The following WASHC3 variants were observed in gnomAD, a reference collection of about 807,000 sequenced individuals.
WASHC3 encodes WASH complex subunit 3.
Under a neutral mutation model 26.1 loss-of-function variants are expected in WASHC3, and 24 were observed. The ratio of observed to expected loss-of-function variants is 0.92; its 90% CI spans 0.66 to 1.29. The LOEUF (loss-of-function observed/expected upper bound fraction) is 1.29, where lower values mean the gene tolerates loss of function less well. WASHC3 is among the 50% of genes most tolerant of loss of function. WASHC3 has a pLI of 0.00. For missense variants in WASHC3, 214 were observed against 229.6 expected (o/e 0.93, Z 0.44); for synonymous variants, 77 against 75.7 (o/e 1.02, Z -0.09).
At position 102,050,942 on chromosome 12, in the gene WASHC3, C is replaced by T. The variant is rs141578172; in HGVS notation, c.151-4823G>A. On this transcript the variant is annotated intron_variant, in intron 2 of 6. Transcript: ENST00000240079. Reference sequence around the variant, plus strand: ...GTACCTCTGTAATGTGGGTCTGATTCTACTACTTTCTCTGTCATCTAATCT... The same window carrying T: ...GTACCTCTGTAATGTGGGTCTGATTTTACTACTTTCTCTGTCATCTAATCT... Among the ~76,000 whole-genome samples the T allele has an allele frequency of 1.7e-3, 254 of 152,348 alleles. 1 individual carries two copies. Among genetic ancestry groups the T allele is most frequent in the African/African-American group, 5.9e-3 (245 of 41,578 alleles).
intron 2 of WASHC3, chr12:102,050,347 A>C: frequency 2.3e-6 from 1 of 440,606 alleles, no homozygotes; most frequent in Non-Finnish European, 4.5e-6. Flanking sequence ...GGCCAGGTAC[A>C]GTGGCTCACG....
intron 6 of WASHC3, chr12:102,017,913 C>G (rs935736383): frequency 6.9e-6 from 2 of 289,564 alleles, no homozygotes; most frequent in African/African-American, 4.6e-5. Flanking sequence ...CACCATCCAT[C>G]TCCTGAACTC....
chr12:102,027,028 T>C (rs1212866470), intron 5 of WASHC3, among the ~76,000 whole-genome samples: 3 of 152,236 alleles, frequency 2.0e-5, no homozygotes, highest in Non-Finnish European at 4.4e-5. Flanking sequence ...AGTTGTGATG[T>C]TCATTTTTTA....
At chr12:102,051,882 G>A (rs1027765517) in intron 2 of WASHC3, among the ~76,000 whole-genome samples, 1 of 152,176 alleles carries the variant, frequency 6.6e-6, no homozygotes, top group Admixed American at 6.5e-5. Context: ...CACAGAGGAA[G>A]TACACAATAA....
chr12:102,029,127 T>A (rs1877325977), intron 5 of WASHC3, among the ~76,000 whole-genome samples: 1 of 152,224 alleles, frequency 6.6e-6, no homozygotes. Context: ...TTGTTTCCAG[T>A]GATGTTGCTT....
intron 2 of WASHC3, among the ~76,000 whole-genome samples, chr12:102,049,832 G>A (rs1283874787): frequency 1.3e-5 from 2 of 152,090 alleles, no homozygotes; most frequent in Non-Finnish European, 2.9e-5. Context: ...GAGCAAATAA[G>A]GATTTAAGCA....
intron 4 of WASHC3, among the ~76,000 whole-genome samples, chr12:102,041,114 CATAT>C (rs199699996): frequency 1.3e-5 from 2 of 150,834 alleles, no homozygotes; most frequent in African/African-American, 4.9e-5. Flanking sequence ...TATATATATA[CATAT>C]ATATACACAC....
At chr12:102,034,361 C>T (rs1437094560) in intron 5 of WASHC3, among the ~76,000 whole-genome samples, 1 of 152,094 alleles carries the variant, frequency 6.6e-6, no homozygotes, top group African/African-American at 2.4e-5. Flanking sequence ...ATAGGTCTCT[C>T]GTGATTGTTC....
intron 6 of WASHC3, among the ~76,000 whole-genome samples, chr12:102,015,953 G>C (rs372119694): frequency 5.4e-5 from 8 of 149,348 alleles, no homozygotes; most frequent in African/African-American, 1.7e-4. Flanking sequence ...GTAGTAGTGT[G>C]ATCTCGGCTC....
At chr12:102,055,208 G>A (rs956711337) in intron 2 of WASHC3, among the ~76,000 whole-genome samples, 1 of 152,202 alleles carries the variant, frequency 6.6e-6, no homozygotes, top group Non-Finnish European at 1.5e-5. Flanking sequence ...CGAAAGAGAT[G>A]TTACAACTGA....
At chr12:102,028,902 C>A (rs1036428808) in intron 5 of WASHC3, among the ~76,000 whole-genome samples, 3 of 151,936 alleles carry the variant, frequency 2.0e-5, no homozygotes, top group African/African-American at 7.2e-5. Flanking sequence ...GTTTCTGGGG[C>A]CTGCTTACAG....
intron 2 of WASHC3, among the ~76,000 whole-genome samples, chr12:102,051,903 T>A (rs1360833039): frequency 6.6e-6 from 1 of 152,226 alleles, no homozygotes; most frequent in African/African-American, 2.4e-5. Context: ...ATATTAGTTG[T>A]TATCTCATTG....
In WASHC3 at chr12:102,044,254, T is replaced by C. The variant is rs1308275133; in HGVS notation, c.217-42A>G. On this transcript the variant is annotated intron_variant, in intron 3 of 6. Coordinates refer to ENST00000240079, the MANE Select transcript of WASHC3 (RefSeq NM_016053.4). ...AGTATTGGAATATGAAGATAGTACTTGCATAAATAAACACTATTTTTAATA... is the reference window on the plus strand; with the variant it reads ...AGTATTGGAATATGAAGATAGTACTCGCATAAATAAACACTATTTTTAATA... 5 of 988,708 alleles carry C rather than the reference T, an allele frequency of 5.1e-6. No homozygotes were observed. In the East Asian group the frequency reaches 1.4e-4, roughly 27 times the overall value. 61.2% of individuals were successfully genotyped at this position (988,708 alleles called of 1,614,324 possible).
intron 2 of WASHC3, among the ~76,000 whole-genome samples, chr12:102,058,269 G>C (rs1204627388): frequency 6.6e-6 from 1 of 151,994 alleles, no homozygotes; most frequent in Non-Finnish European, 1.5e-5. Flanking sequence ...AACACGAAAA[G>C]GATTCAAGAT....
intron 5 of WASHC3, among the ~76,000 whole-genome samples, chr12:102,033,661 T>C (rs1314950994): frequency 6.6e-6 from 1 of 152,106 alleles, no homozygotes; most frequent in African/African-American, 2.4e-5. Context: ...GAGATGGTTA[T>C]TCTTAAGATC....
chr12:102,019,395 G>T (rs1297995071), intron 6 of WASHC3: 5 of 377,982 alleles, frequency 1.3e-5, no homozygotes, highest in Non-Finnish European at 2.6e-5. Context: ...TTCATGGAAA[G>T]AAATTTTAAG....
chr12:102,024,502 T>G (rs966733596), intron 6 of WASHC3, among the ~76,000 whole-genome samples: 13 of 152,128 alleles, frequency 8.5e-5, no homozygotes, highest in African/African-American at 3.1e-4. Context: ...GAAGACAGAA[T>G]CAAGGATGAT....
intron 4 of WASHC3, among the ~76,000 whole-genome samples, chr12:102,042,881 G>A (rs1430994137): frequency 3.9e-5 from 6 of 152,004 alleles, no homozygotes; most frequent in Admixed American, 2.6e-4. Context: ...TTAATACCTC[G>A]CTGAGATACA....
At chr12:102,035,448 AG>A (rs1877614967) in intron 5 of WASHC3, among the ~76,000 whole-genome samples, 1 of 152,194 alleles carries the variant, frequency 6.6e-6, no homozygotes, top group Non-Finnish European at 1.5e-5. Context: ...CTTAGAAAAC[AG>A]AAGAAGAAGG....
Sources: allele counts gnomAD v4.1 joint callset (sites outside exome capture counted in the v4.1 genomes callset), GRCh38; gene constraint gnomAD v4.1.1; transcripts MANE v1.5; gene names NCBI Gene and HGNC (gene_info 2026-07-23, HGNC 2026-07-21).